SSX2IP: variants seen among roughly 807,000 people sequenced by gnomAD.
The protein encoded by SSX2IP is SSX family member 2 interacting protein, also known as afadin- and alpha-actinin-binding protein.
Under a neutral mutation model 84.9 loss-of-function variants are expected in SSX2IP, and 55 were observed. The observed-to-expected ratio is 0.65, with a 90% CI of 0.52 to 0.81. The LOEUF (loss-of-function observed/expected upper bound fraction) is 0.81, where lower values mean the gene tolerates loss of function less well. SSX2IP is among the 30% of genes least tolerant of loss of function. The probability of loss-of-function intolerance (pLI) is 0.00; values close to 1 mark genes in which losing one functional copy is unlikely to be tolerated. For missense variants in SSX2IP, 664 were observed against 705.2 expected (o/e 0.94, Z 0.66); for synonymous variants, 239 against 234.7 (o/e 1.02, Z -0.17).
Position 84,664,522 on chromosome 1 carries a change from G to T in SSX2IP, c.568C>A (p.Arg190=). 1 of 1,578,432 alleles carries T rather than the reference G, an allele frequency of 6.3e-7. No homozygotes were observed. The highest frequency in any genetic ancestry group is 1.2e-5 in the South Asian group (1 of 84,422). Residue 190 remains arginine, a synonymous_variant, in exon 6 of 14, where the codon CGA becomes AGA. Transcript: ENST00000342203. ...ATATCATGATTATACTGAGTAGCTC[G>T]ACTTGCAATGATATTTTGTAATTTT... ...VQKLQNIIAS[R]ATQYNHDMKR... is the part of the protein sequence containing the mutation.
intron 11 of SSX2IP, 196 bp downstream of exon 11, chr1:84,655,636 A>C: frequency 6.6e-7 from 1 of 1,516,308 alleles, no homozygotes. Context: ...CTTAAGTTCA[A>C]TTCTCAAATC....
At chr1:84,652,684 C>T (rs543187885) in intron 11 of SSX2IP, among the ~76,000 whole-genome samples, 15 of 150,142 alleles carry the variant, frequency 1.0e-4, no homozygotes, top group South Asian at 4.2e-4. Context: ...GAGCTGAGAT[C>T]GCACCCCTGC....
chr1:84,647,438 G>A lies in SSX2IP; in HGVS notation c.1840C>T (p.Pro614Ser), dbSNP rs1447836505. Residue 614 changes from proline (P) to serine (S), a missense_variant, in exon 14 of 14, where the codon CCT becomes TCT. Transcript: ENST00000342203. ...AAAAATTCCAGTCCACATGTCTAAGGTAAGTCATCTTTTTCTACATGAGAA... is the reference window on the plus strand; with the variant it reads ...AAAAATTCCAGTCCACATGTCTAAGATAAGTCATCTTTTTCTACATGAGAA... ...TNSHVEKDDL[P>S] 10 of 1,588,048 alleles carry A rather than the reference G, an allele frequency of 6.3e-6. No individual in the cohort carries two copies. In the South Asian group the frequency reaches 1.0e-4, roughly 16 times the overall value.
At position 84,662,539 on chromosome 1, in the gene SSX2IP, A is replaced by G. The variant is rs1289267882; in HGVS notation, c.674-9T>C. ...ATTCAAAATGTCCATAGCTACAAAC[A>G]TGAACACATAAAATTAATTCTTACC... On this transcript the variant is annotated splice_polypyrimidine_tract_variant and intron_variant, in intron 6 of 13. Coordinates refer to ENST00000342203, the MANE Select transcript of SSX2IP (RefSeq NM_001166293.2). The G allele has an allele frequency of 8.1e-6, 13 of 1,613,374 alleles. No homozygotes were observed. The highest frequency in any genetic ancestry group is 1.1e-5 in the Non-Finnish European group (13 of 1,179,596).
intron 12 of SSX2IP, 72 bp from the exon 13 acceptor site, chr1:84,650,599 C>G: frequency 1.3e-6 from 2 of 1,507,068 alleles, no homozygotes; most frequent in Non-Finnish European, 1.8e-6. Flanking sequence ...GGTAAATCAT[C>G]AGGATGATTC....
intron 3 of SSX2IP, 51 bp downstream of exon 3, chr1:84,670,595 T>C (rs1304042634): frequency 2.3e-6 from 3 of 1,276,760 alleles, no homozygotes; most frequent in East Asian, 2.5e-5. Flanking sequence ...TTTTGATACA[T>C]TCTATTATAT....
chr1:84,655,440 G>T (rs1355324658), intron 11 of SSX2IP: 6 of 1,291,684 alleles, frequency 4.6e-6, no homozygotes, highest in Non-Finnish European at 6.1e-6. Flanking sequence ...GGGGAGAAGA[G>T]AACTTAATTT....
intron 5 of SSX2IP, among the ~76,000 whole-genome samples, chr1:84,665,076 C>A (rs1343261679): frequency 6.6e-6 from 1 of 152,116 alleles, no homozygotes; most frequent in Non-Finnish European, 1.5e-5. Flanking sequence ...CTACTAGGTG[C>A]CAGACACTGC....
intron 11 of SSX2IP, among the ~76,000 whole-genome samples, chr1:84,654,544 T>C (rs548231810): frequency 1.4e-4 from 21 of 152,076 alleles, no homozygotes; most frequent in African/African-American, 4.3e-4. Flanking sequence ...ATATAGCGAA[T>C]TGAACAGAAA....
At chr1:84,688,433 G>T (rs900950684) in intron 1 of SSX2IP, among the ~76,000 whole-genome samples, 1 of 152,178 alleles carries the variant, frequency 6.6e-6, no homozygotes, top group African/African-American at 2.4e-5. Flanking sequence ...CTTTGAAATC[G>T]ATCCAATTTA....
chr1:84,671,648 G>C (rs1052224555), intron 1 of SSX2IP, among the ~76,000 whole-genome samples: 1 of 152,020 alleles, frequency 6.6e-6, no homozygotes, highest in Non-Finnish European at 1.5e-5. Context: ...CAATTATATA[G>C]ATAAGATGAT....
intron 1 of SSX2IP, among the ~76,000 whole-genome samples, chr1:84,686,993 A>G (rs558697855): frequency 1.3e-5 from 2 of 152,332 alleles, no homozygotes; most frequent in Admixed American, 6.5e-5. Context: ...TGACAAAAAA[A>G]AAATCCTGTC....
At chr1:84,651,194 A>G (rs879498456) in intron 12 of SSX2IP, among the ~76,000 whole-genome samples, 5 of 152,064 alleles carry the variant, frequency 3.3e-5, no homozygotes, top group Non-Finnish European at 5.9e-5. Flanking sequence ...GTGTGTGCCT[A>G]TAGTCTCAGC....
At chr1:84,662,403 T>C in intron 7 of SSX2IP, 28 bp from the exon 8 acceptor site, 2 of 1,608,870 alleles carry the variant, frequency 1.2e-6, no homozygotes, top group Non-Finnish European at 1.7e-6. Context: ...AGTATGAAAA[T>C]GCAGGATAGA....
chr1:84,658,293 T>C, intron 9 of SSX2IP, 25 bp downstream of exon 9: 1 of 1,613,318 alleles, frequency 6.2e-7, no homozygotes, highest in East Asian at 2.2e-5. Flanking sequence ...ACAACTCACT[T>C]TACATGCATA....
chr1:84,656,567 G>A, intron 9 of SSX2IP, 83 bp from the exon 10 acceptor site: 4 of 1,240,882 alleles, frequency 3.2e-6, no homozygotes, highest in Non-Finnish European at 3.2e-6. Flanking sequence ...TAAAACAAGG[G>A]CTCTCAGAAC....
intron 11 of SSX2IP, chr1:84,655,567 C>T: frequency 7.1e-7 from 1 of 1,409,386 alleles, no homozygotes; most frequent in Non-Finnish European, 9.4e-7. Flanking sequence ...TTGTGTAAAA[C>T]ACTTAGCAGG....
At chr1:84,671,130 A>G (rs769902159) in intron 2 of SSX2IP, 47 bp downstream of exon 2, 41 of 1,583,032 alleles carry the variant, frequency 2.6e-5, no homozygotes, top group Admixed American at 3.7e-5. Context: ...TGAAAAATTC[A>G]CCTTTACAGT....
At position 84,658,321 on chromosome 1, in the gene SSX2IP, G is replaced by C. The variant is rs1472175105; in HGVS notation, c.1075C>G (p.Gln359Glu). 1 of 1,613,948 alleles carries C rather than the reference G, an allele frequency of 6.2e-7. No individual in the cohort carries two copies. The highest frequency in any genetic ancestry group is 8.5e-7 in the Non-Finnish European group (1 of 1,179,956). ...CATGCATAGAAGCAGTGGTTACCTT[G>C]GTTATCAAGCTTTTCTACATGACTT... ...LKSHVEKLDN[Q>E]VSKVHLEGFN... is the part of the protein sequence containing the mutation. Residue 359 changes from glutamine (Q) to glutamate (E), a missense_variant, in exon 9 of 14, where the codon CAA (glutamine) becomes GAA (glutamate). Transcript: ENST00000342203.
Sources: allele counts gnomAD v4.1 joint callset (sites outside exome capture counted in the v4.1 genomes callset), GRCh38; gene constraint gnomAD v4.1.1; transcripts MANE v1.5; gene names NCBI Gene and HGNC (gene_info 2026-07-23, HGNC 2026-07-21).